The following STPG1 variants were observed in gnomAD, a reference collection of about 807,000 sequenced individuals.
The protein encoded by STPG1 is sperm tail PG-rich repeat containing 1.
Under a neutral mutation model 40.1 loss-of-function variants are expected in STPG1, and 33 were observed. The observed-to-expected ratio is 0.82, with a 90% confidence interval of 0.62 to 1.10. The LOEUF (loss-of-function observed/expected upper bound fraction) is 1.10, where lower values mean the gene tolerates loss of function less well. STPG1 is among the 50% of genes least tolerant of loss of function. STPG1 has a pLI of 0.00. For missense variants in STPG1, 396 were observed against 415.1 expected, an observed-to-expected ratio of 0.95 and a Z score of 0.40; for synonymous variants, 150 against 155.0, an observed-to-expected ratio of 0.97 and a Z score of 0.24.
intron 7 of STPG1, chr1:24,364,587 G>A: frequency 2.5e-6 from 2 of 786,672 alleles, no homozygotes; most frequent in Non-Finnish European, 3.5e-6. Flanking sequence ...ATTTGCTGAA[G>A]TGCAGAGAAA....
At chr1:24,390,368 T>C (rs1263784513) in intron 3 of STPG1, among the ~76,000 whole-genome samples, 1 of 152,042 alleles carries the variant, frequency 6.6e-6, no homozygotes, top group Non-Finnish European at 1.5e-5. Context: ...CGGCAAGATT[T>C]AGGGAAGGGG....
intron 1 of STPG1, among the ~76,000 whole-genome samples, chr1:24,403,851 T>G (rs1313595025): frequency 2.6e-5 from 4 of 152,084 alleles, no homozygotes; most frequent in Non-Finnish European, 5.9e-5. Flanking sequence ...AGCTTTTTTG[T>G]CGATTAGGAA....
At chr1:24,400,379 A>G (rs1557460270) in intron 2 of STPG1, among the ~76,000 whole-genome samples, 1 of 152,212 alleles carries the variant, frequency 6.6e-6, no homozygotes, top group Non-Finnish European at 1.5e-5. Context: ...AATATCTGAG[A>G]AGGGACAAGG....
At position 24,359,295 on chromosome 1, in the gene STPG1, G is replaced by A. The variant is rs544895606; in HGVS notation, c.929-676C>T. Among the ~76,000 whole-genome samples the A allele has an allele frequency of 6.6e-6, 1 of 152,364 alleles. No homozygotes were observed. The highest frequency in any genetic ancestry group is 1.9e-4 in the East Asian group (1 of 5,184). The stretch of plus-strand genomic sequence containing the variant: ...CCTGTCTCTGTGTGCCAGGTGCCTA[G>A]CACCACATACGGCATGGAAAAGTCA... On this transcript the variant is annotated intron_variant, in intron 8 of 8. Transcript: ENST00000337248. This position sits in a 1 kb window ranked among gnomAD's most constrained non-coding sequence, Gnocchi z 5.3.
chr1:24,412,697 A>T (rs1643754143), intron 1 of STPG1, among the ~76,000 whole-genome samples: 1 of 152,174 alleles, frequency 6.6e-6, no homozygotes, highest in South Asian at 2.1e-4. Flanking sequence ...GTCTCTACAA[A>T]AATAATAATA....
chr1:24,405,969 T>G (rs1447490359), intron 1 of STPG1, among the ~76,000 whole-genome samples: 1 of 152,152 alleles, frequency 6.6e-6, no homozygotes, highest in Non-Finnish European at 1.5e-5. Context: ...GTCTTTATAT[T>G]TAGAGATGGT....
intron 2 of STPG1, 42 bp downstream of exon 2, chr1:24,401,277 C>G (rs1570092783): frequency 3.8e-6 from 6 of 1,587,962 alleles, no homozygotes; most frequent in Middle Eastern, 1.7e-4. Flanking sequence ...CTAAAATAAG[C>G]ATATGTCAGG....
chr1:24,402,377 A>G (rs117441784), intron 1 of STPG1, among the ~76,000 whole-genome samples: 1 of 152,280 alleles, frequency 6.6e-6, no homozygotes, highest in East Asian at 1.9e-4. Context: ...GTGATTTTAT[A>G]GTGGTATCTC....
At chr1:24,362,688 AAGACTGAC>A (rs1641200195) in intron 7 of STPG1, among the ~76,000 whole-genome samples, 1 of 152,186 alleles carries the variant, frequency 6.6e-6, no homozygotes, top group Non-Finnish European at 1.5e-5. Context: ...AGCCTCGTAA[AAGACTGAC>A]AGGGCCCTTC....
At chr1:24,375,604 C>G (rs1449929258) in intron 5 of STPG1, among the ~76,000 whole-genome samples, 2 of 151,986 alleles carry the variant, frequency 1.3e-5, no homozygotes, top group African/African-American at 4.8e-5. Context: ...GAAGAGGACT[C>G]GAATATACAA....
intron 3 of STPG1, among the ~76,000 whole-genome samples, chr1:24,386,160 A>T (rs1642494798): frequency 1.3e-5 from 2 of 152,218 alleles, no homozygotes; most frequent in African/African-American, 4.8e-5. Context: ...AGTATATCCC[A>T]TGCAATATTT....
intron 1 of STPG1, among the ~76,000 whole-genome samples, chr1:24,407,102 T>C (rs949458890): frequency 2.0e-5 from 3 of 152,202 alleles, no homozygotes; most frequent in African/African-American, 7.2e-5. Context: ...GCAACCACCA[T>C]TGTACTTTCT....
intron 7 of STPG1, among the ~76,000 whole-genome samples, chr1:24,361,900 C>A (rs1377045790): frequency 6.6e-6 from 1 of 152,186 alleles, no homozygotes; most frequent in East Asian, 1.9e-4. Flanking sequence ...CTGCTGTGAC[C>A]TTTCATCAGG....
chr1:24,361,826 T>G (rs1641138514), intron 7 of STPG1, among the ~76,000 whole-genome samples: 1 of 152,178 alleles, frequency 6.6e-6, no homozygotes, highest in Non-Finnish European at 1.5e-5. Context: ...TAACTCATTC[T>G]GGGCCTCAGT....
At chr1:24,371,315 C>T (rs541127242) in intron 6 of STPG1, among the ~76,000 whole-genome samples, 9 of 152,224 alleles carry the variant, frequency 5.9e-5, no homozygotes, top group South Asian at 4.1e-4. Context: ...CAGCCGGGTA[C>T]GGTGGCTCAC....
rs1015593534 is a variant in STPG1, at chr1:24,364,530, T to C, written c.738-3489A>G. 10 of 1,262,380 alleles carry C rather than the reference T, an allele frequency of 7.9e-6. No individual in the cohort carries two copies. The African/African-American group carries it at 1.4e-4, about 17-fold the overall frequency. 78.2% of individuals were successfully genotyped at this position (1,262,380 alleles called of 1,614,324 possible). ...ACTTGCCTAGCTCTTTAAGGGAAGG[T>C]ATTGTGTCTTCCTCAGCTTTGAGGC... is the stretch of plus-strand genomic sequence containing the variant. On this transcript the variant is annotated intron_variant, in intron 7 of 8. Transcript: ENST00000337248.
At chr1:24,401,690 ATTTTTAT>A (rs1234963714) in intron 1 of STPG1, among the ~76,000 whole-genome samples, 4 of 152,018 alleles carry the variant, frequency 2.6e-5, no homozygotes, top group African/African-American at 9.7e-5. Context: ...CTTGGATTTT[ATTTTTAT>A]TTTTTATTTT....
chr1:24,402,272 C>A (rs1289279306), intron 1 of STPG1, among the ~76,000 whole-genome samples: 1 of 152,172 alleles, frequency 6.6e-6, no homozygotes, highest in Non-Finnish European at 1.5e-5. Flanking sequence ...TTTTGAAATT[C>A]TTCCATATTG....
chr1:24,403,725 T>C (rs1380518098), intron 1 of STPG1, among the ~76,000 whole-genome samples: 1 of 152,104 alleles, frequency 6.6e-6, no homozygotes. Context: ...AAAAAAATGG[T>C]CTTAAAATTT....
Sources: gnomAD v4.1 joint callset for allele counts (sites outside exome capture counted in the v4.1 genomes callset) on GRCh38, gnomAD v4.1.1 for gene constraint, Gnocchi (gnomAD v3.1) non-coding constraint, MANE v1.5 for transcripts, NCBI Gene and HGNC (gene_info 2026-07-23, HGNC 2026-07-21) for gene names.